PPM1L: variants seen among roughly 807,000 people sequenced by gnomAD.
PPM1L encodes protein phosphatase 1L.
PPM1L carries 13 observed loss-of-function variants against 31.4 expected under a neutral mutation model. That is an observed-to-expected ratio of 0.41 (90% CI 0.27 to 0.66). PPM1L has a LOEUF of 0.66. PPM1L is among the 30% of genes least tolerant of loss of function. The pLI is 0.29. For missense variants in PPM1L, 326 were observed against 453.7 expected (o/e 0.72, Z 2.56); for synonymous variants, 184 against 175.4 (o/e 1.05, Z -0.39).
At chr3:160,967,901 T>C (rs1716206807) in intron 2 of PPM1L, among the ~76,000 whole-genome samples, 1 of 152,076 alleles carries the variant, frequency 6.6e-6, no homozygotes, top group African/African-American at 2.4e-5. Flanking sequence ...TGTCTTCTAG[T>C]TCTAAAACTA....
chr3:160,826,406 A>G (rs540834784), intron 1 of PPM1L, among the ~76,000 whole-genome samples: 1 of 152,288 alleles, frequency 6.6e-6, no homozygotes, highest in South Asian at 2.1e-4. Flanking sequence ...ATGCTTTCTA[A>G]CATACTTAGA....
At chr3:160,941,677 C>T (rs1250945493) in intron 1 of PPM1L, among the ~76,000 whole-genome samples, 1 of 152,154 alleles carries the variant, frequency 6.6e-6, no homozygotes, top group Non-Finnish European at 1.5e-5. Flanking sequence ...TTTTTCTTCC[C>T]AGTCTCGGGT....
chr3:160,983,219 G>T (rs1279247169), intron 2 of PPM1L, among the ~76,000 whole-genome samples: 1 of 152,126 alleles, frequency 6.6e-6, no homozygotes, highest in Non-Finnish European at 1.5e-5. Flanking sequence ...AATTGCATTT[G>T]CAAATAAAAT....
rs1186931971 is a variant in PPM1L, at chr3:161,058,118, C to CTTTTTTTTTTTTTTTTTTTTT, written c.575-7281_575-7261dup. Reference sequence around the variant, plus strand: ...TTAGTAGGGTCCATCATTTTCTTTCCTTTTTTTTTTTTTTTTTTTTTTTTG... The same window carrying CTTTTTTTTTTTTTTTTTTTTT: ...TTAGTAGGGTCCATCATTTTCTTTCCTTTTTTTTTTTTTTTTTTTTTTTTTTTTTTTTTTTTTTTTTTTTTG... On this transcript the variant is annotated intron_variant, in intron 2 of 3. Coordinates refer to ENST00000498165, the MANE Select transcript of PPM1L (RefSeq NM_139245.4). Among the ~76,000 whole-genome samples, 41 of 54,926 alleles carry CTTTTTTTTTTTTTTTTTTTTT rather than the reference C, an allele frequency of 7.5e-4. 12 individuals are homozygous for CTTTTTTTTTTTTTTTTTTTTT. The highest frequency in any genetic ancestry group is 9.2e-4 in the Admixed American group (3 of 3,264). 36.0% of individuals were successfully genotyped at this position (54,926 alleles called of 152,430 possible).
At chr3:160,888,385 T>C (rs1302361066) in intron 1 of PPM1L, among the ~76,000 whole-genome samples, 1 of 152,112 alleles carries the variant, frequency 6.6e-6, no homozygotes, top group Non-Finnish European at 1.5e-5. Context: ...TCAATCCTCA[T>C]CTCTGACAAA....
At chr3:160,938,968 C>T (rs1404006354) in intron 1 of PPM1L, among the ~76,000 whole-genome samples, 2 of 152,172 alleles carry the variant, frequency 1.3e-5, no homozygotes, top group Non-Finnish European at 2.9e-5. Context: ...GTTATTAGAG[C>T]AGCTCCAAGG....
At chr3:161,008,792 A>G (rs1227475423) in intron 2 of PPM1L, among the ~76,000 whole-genome samples, 2 of 152,234 alleles carry the variant, frequency 1.3e-5, no homozygotes, top group Non-Finnish European at 2.9e-5. Context: ...GATTTGCTGG[A>G]ATGATATTAG....
At chr3:161,050,197 G>T (rs1396498840) in intron 2 of PPM1L, among the ~76,000 whole-genome samples, 3 of 152,174 alleles carry the variant, frequency 2.0e-5, no homozygotes, top group Non-Finnish European at 4.4e-5. Context: ...AGTCAGTAAG[G>T]TTTATCAATA....
At chr3:160,924,090 C>T (rs1414250407) in intron 1 of PPM1L, among the ~76,000 whole-genome samples, 2 of 152,156 alleles carry the variant, frequency 1.3e-5, no homozygotes, top group African/African-American at 4.8e-5. Flanking sequence ...ATTATATTCA[C>T]TTGTTTCTGT....
At chr3:160,773,408 G>T (rs1435610902) in intron 1 of PPM1L, among the ~76,000 whole-genome samples, 1 of 152,202 alleles carries the variant, frequency 6.6e-6, no homozygotes, top group Non-Finnish European at 1.5e-5. Context: ...AGGGAAAGGG[G>T]TGATTGGCCT....
chr3:160,978,681 T>C (rs1238197687), intron 2 of PPM1L, among the ~76,000 whole-genome samples: 1 of 151,650 alleles, frequency 6.6e-6, no homozygotes, highest in East Asian at 1.9e-4. Flanking sequence ...ATAAGAAAAA[T>C]TAGCCAGGCA....
At chr3:160,944,862 TATA>T (rs1267635288) in intron 1 of PPM1L, among the ~76,000 whole-genome samples, 1,763 of 13,122 alleles carry the variant, frequency 0.13, 185 homozygotes, top group Middle Eastern at 0.17. Flanking sequence ...ATATATTATA[TATA>T]ATGTTATATA....
chr3:160,970,733 C>T (rs902340560), intron 2 of PPM1L, among the ~76,000 whole-genome samples: 1 of 150,496 alleles, frequency 6.6e-6, no homozygotes, highest in African/African-American at 2.4e-5. Context: ...GCTGGGATTA[C>T]AGGTGTGTGC....
At chr3:160,812,709 T>A (rs1326841033) in intron 1 of PPM1L, among the ~76,000 whole-genome samples, 1 of 151,768 alleles carries the variant, frequency 6.6e-6, no homozygotes, top group East Asian at 1.9e-4. Flanking sequence ...CCTGGAAAGG[T>A]GGGATTGCTT....
At chr3:161,010,037 G>T (rs1167385129) in intron 2 of PPM1L, among the ~76,000 whole-genome samples, 2 of 151,940 alleles carry the variant, frequency 1.3e-5, no homozygotes, top group African/African-American at 4.8e-5. Flanking sequence ...AAGTTCTAGG[G>T]TACATGTGCA....
At chr3:160,762,004 C>G (rs1003687837) in intron 1 of PPM1L, among the ~76,000 whole-genome samples, 1 of 152,208 alleles carries the variant, frequency 6.6e-6, no homozygotes, top group Non-Finnish European at 1.5e-5. Flanking sequence ...GGTGGGGACA[C>G]AGCCAAACCA....
intron 1 of PPM1L, among the ~76,000 whole-genome samples, chr3:160,882,561 A>G (rs966076024): frequency 2.0e-5 from 3 of 152,174 alleles, no homozygotes; most frequent in Non-Finnish European, 4.4e-5. Flanking sequence ...GCCCACTCTA[A>G]TCCACTGTCA....
At chr3:160,889,035 C>T (rs1189686276) in intron 1 of PPM1L, among the ~76,000 whole-genome samples, 1 of 152,100 alleles carries the variant, frequency 6.6e-6, no homozygotes, top group Admixed American at 6.5e-5. Context: ...CACTAAATGC[C>T]CACATCAGAA....
chr3:160,919,370 A>C (rs1280344399), intron 1 of PPM1L, among the ~76,000 whole-genome samples: 1 of 152,118 alleles, frequency 6.6e-6, no homozygotes, highest in Non-Finnish European at 1.5e-5. Flanking sequence ...CCAAAATAGG[A>C]TATTTGATTG....
Sources: gnomAD v4.1 joint callset for allele counts (sites outside exome capture counted in the v4.1 genomes callset) on GRCh38, gnomAD v4.1.1 for gene constraint, MANE v1.5 for transcripts, NCBI Gene and HGNC (gene_info 2026-07-23, HGNC 2026-07-21) for gene names.